The following ADCY9 variants were observed in gnomAD, a reference collection of about 807,000 sequenced individuals.
ADCY9 encodes adenylate cyclase type 9.
Under a neutral mutation model 101.5 loss-of-function variants are expected in ADCY9, and 50 were observed. The ratio of observed to expected loss-of-function variants is 0.49; its 90% CI spans 0.39 to 0.62. ADCY9 has a LOEUF of 0.62. Among genes scored for constraint, ADCY9 ranks in the 20% least tolerant of loss-of-function variants. The pLI, the probability that ADCY9 is intolerant of heterozygous loss-of-function variation, is 0.00. For synonymous variants in ADCY9, 905 were observed against 769.3 expected (o/e 1.18, Z -2.92); for missense variants, 1,662 against 1,800.4 (o/e 0.92, Z 1.39).
chr16:4,027,605 G>T (rs1200836047), intron 2 of ADCY9, among the ~76,000 whole-genome samples: 2 of 152,066 alleles, frequency 1.3e-5, no homozygotes, highest in Non-Finnish European at 2.9e-5. Flanking sequence ...AACTGGACGT[G>T]GTGGCTCACG....
Position 4,115,512 on chromosome 16 carries a change from G to A in ADCY9, c.-43-27C>T, listed in dbSNP as rs1306666447. 24 of 1,458,110 alleles carry A rather than the reference G, an allele frequency of 1.6e-5. 1 individual carries two copies. Among genetic ancestry groups the A allele is most frequent in the South Asian group, 4.1e-5 (3 of 72,492 alleles). 90.3% of individuals were successfully genotyped at this position (1,458,110 alleles called of 1,614,324 possible). A position where few individuals can be genotyped will look rare whatever the true frequency, so the allele number is the denominator to read the frequency against. ...TGCCAGCAAAACGGGGAGAGTTAGC[G>A]GCGCTCCCACCTAGGCATGCACGCC... On this transcript the variant is annotated intron_variant, in intron 1 of 10. Coordinates refer to ENST00000294016, the MANE Select transcript of ADCY9 (RefSeq NM_001116.4). This position sits in a 1 kb window ranked among gnomAD's most constrained non-coding sequence, Gnocchi z 6.2.
At chr16:3,981,542 G>A (rs1039138270) in intron 7 of ADCY9, among the ~76,000 whole-genome samples, 1 of 152,028 alleles carries the variant, frequency 6.6e-6, no homozygotes, top group Non-Finnish European at 1.5e-5. Flanking sequence ...TCACTGAGTT[G>A]TCCACTTGAA....
intron 2 of ADCY9, among the ~76,000 whole-genome samples, chr16:4,057,047 C>A (rs868432804): frequency 0.026 from 3,734 of 142,548 alleles, 308 homozygotes; most frequent in African/African-American, 0.068. Context: ...CGCCCCCCCC[C>A]CCCCCGCCAA....
intron 2 of ADCY9, among the ~76,000 whole-genome samples, chr16:4,090,360 C>G (rs140559778): frequency 6.6e-6 from 1 of 152,024 alleles, no homozygotes; most frequent in Non-Finnish European, 1.5e-5. Flanking sequence ...TACTGATGTT[C>G]GGTAATGCAG....
chr16:4,113,526 C>T (rs377432078), intron 2 of ADCY9, among the ~76,000 whole-genome samples: 1 of 152,150 alleles, frequency 6.6e-6, no homozygotes, highest in Non-Finnish European at 1.5e-5. Flanking sequence ...TTCTAAAGGT[C>T]GCGTCTAGGT....
At chr16:4,012,855 C>T (rs1045061065) in intron 2 of ADCY9, among the ~76,000 whole-genome samples, 8 of 152,188 alleles carry the variant, frequency 5.3e-5, no homozygotes, top group Non-Finnish European at 1.0e-4. Context: ...GGGCGAGGCC[C>T]ATTTCTGGCC....
chr16:3,996,192 C>T (rs975116442), intron 3 of ADCY9, among the ~76,000 whole-genome samples: 1 of 152,078 alleles, frequency 6.6e-6, no homozygotes, highest in African/African-American at 2.4e-5. Context: ...GAGACCTTGT[C>T]TCTACTAAAA....
intron 2 of ADCY9, among the ~76,000 whole-genome samples, chr16:4,088,297 T>A (rs1356318632): frequency 1.3e-5 from 2 of 151,920 alleles, no homozygotes; most frequent in Non-Finnish European, 2.9e-5. Flanking sequence ...CTGGTTTGTT[T>A]TTGTCTTTGT....
rs553172741 is a variant in ADCY9, at chr16:4,100,576, C to G, written c.1693+13174G>C. 1.2e-4 allele frequency among the ~76,000 whole-genome samples: 18 copies of G among 152,044 alleles called. 1 individual carries two copies. The East Asian group carries it at 2.1e-3, about 18-fold the overall frequency. On this transcript the variant is annotated intron_variant, in intron 2 of 10. Transcript: ENST00000294016. ...GAACTCCTGAGCTCAAGTGATCCGC[C>G]CGCCTCAGCCTCCGAAAGTGCTGGG...
chr16:3,985,542 G>A (rs531836327), intron 6 of ADCY9, among the ~76,000 whole-genome samples: 3 of 152,228 alleles, frequency 2.0e-5, no homozygotes, highest in East Asian at 1.9e-4. Flanking sequence ...TCAGGGGTTC[G>A]AGTCAGGGCC....
intron 2 of ADCY9, among the ~76,000 whole-genome samples, chr16:4,086,159 G>T (rs562892743): frequency 1.3e-5 from 2 of 151,444 alleles, no homozygotes; most frequent in South Asian, 2.1e-4. Flanking sequence ...GAAGGACAAG[G>T]AGAAAAAAAA....
chr16:4,030,938 G>A (rs907733491), intron 2 of ADCY9, among the ~76,000 whole-genome samples: 59 of 152,076 alleles, frequency 3.9e-4, no homozygotes, highest in African/African-American at 1.4e-3. Flanking sequence ...TGCATTTTAT[G>A]TATGCATATT....
intron 10 of ADCY9, among the ~76,000 whole-genome samples, chr16:3,969,472 A>C (rs1597133957): frequency 7.5e-6 from 1 of 133,668 alleles, no homozygotes; most frequent in African/African-American, 2.8e-5. Flanking sequence ...CTCCTGACCT[A>C]AAGTGATCTG....
chr16:4,052,977 G>C (rs1333674598), intron 2 of ADCY9, among the ~76,000 whole-genome samples: 1 of 152,188 alleles, frequency 6.6e-6, no homozygotes, highest in Admixed American at 6.5e-5. Context: ...ACTCACAAGA[G>C]TCACATGCTG....
At chr16:3,959,530 TA>T (rs1419458468), downstream of ADCY9, among the ~76,000 whole-genome samples, 1 of 151,996 alleles carries the variant, frequency 6.6e-6, no homozygotes, top group Non-Finnish European at 1.5e-5. Flanking sequence ...ACAACCTAGG[TA>T]AATTAAAAAA....
At chr16:4,023,221 A>C (rs1894358053) in intron 2 of ADCY9, among the ~76,000 whole-genome samples, 1 of 152,252 alleles carries the variant, frequency 6.6e-6, no homozygotes, top group Non-Finnish European at 1.5e-5. Flanking sequence ...GCTGGTGATA[A>C]AACTGTGAAC....
In ADCY9 at chr16:4,039,799, G is replaced by A. The variant is rs552027722; in HGVS notation, c.1694-32241C>T. 2.0e-5 allele frequency among the ~76,000 whole-genome samples: 3 copies of A among 152,276 alleles called. No individual in the cohort carries two copies. The East Asian group carries it at 5.8e-4, about 29-fold the overall frequency. ...CACGCCTGTAATCCCAGCCCTTTGG[G>A]AGGTCGAGGCAGGCGGATCGTTTGA... is the stretch of plus-strand genomic sequence containing the variant. On this transcript the variant is annotated intron_variant, in intron 2 of 10. Coordinates refer to ENST00000294016, the MANE Select transcript of ADCY9 (RefSeq NM_001116.4).
chr16:4,095,440 G>A (rs1424432078), intron 2 of ADCY9, among the ~76,000 whole-genome samples: 1 of 152,132 alleles, frequency 6.6e-6, no homozygotes, highest in Non-Finnish European at 1.5e-5. Context: ...AGAGCAACAA[G>A]AGCAAGCAAG....
chr16:4,074,381 A>T (rs2056853562), intron 2 of ADCY9, among the ~76,000 whole-genome samples: 1 of 151,986 alleles, frequency 6.6e-6, no homozygotes, highest in Non-Finnish European at 1.5e-5. Context: ...AAATCGATAG[A>T]AGAGATAAAA....
Sources: allele counts gnomAD v4.1 joint callset (sites outside exome capture counted in the v4.1 genomes callset), GRCh38; gene constraint gnomAD v4.1.1; non-coding constraint Gnocchi (gnomAD v3.1); transcripts MANE v1.5; gene names NCBI Gene and HGNC (gene_info 2026-07-23, HGNC 2026-07-21).